CTNNA3: variants seen among roughly 807,000 people sequenced by gnomAD.
The protein encoded by CTNNA3 is catenin alpha 3.
CTNNA3 carries 76 observed loss-of-function variants against 95.7 expected under a neutral mutation model. That is an observed-to-expected ratio of 0.79 (90% CI 0.66 to 0.96). CTNNA3 has a LOEUF of 0.96. Ranked by LOEUF, CTNNA3 falls within the 40% of genes least tolerant of loss-of-function variation. CTNNA3 has a pLI of 0.00. For synonymous variants in CTNNA3, 431 were observed against 374.4 expected (o/e 1.15, Z -1.74); for missense variants, 1,191 against 1,089.8 (o/e 1.09, Z -1.31).
intron 13 of CTNNA3, among the ~76,000 whole-genome samples, chr10:66,117,146 C>A (rs1209367691): frequency 2.0e-5 from 3 of 152,022 alleles, no homozygotes; most frequent in Non-Finnish European, 4.4e-5. Flanking sequence ...TATGAGTAAG[C>A]TTTTGGGTTT....
At chr10:67,303,154 G>T (rs1337687685) in intron 5 of CTNNA3, among the ~76,000 whole-genome samples, 1 of 152,208 alleles carries the variant, frequency 6.6e-6, no homozygotes, top group Non-Finnish European at 1.5e-5. Context: ...AGTGCTAATA[G>T]CTGTGAAGCT....
At chr10:66,854,202 G>C (rs1008051493) in intron 7 of CTNNA3, among the ~76,000 whole-genome samples, 14 of 151,930 alleles carry the variant, frequency 9.2e-5, no homozygotes, top group Non-Finnish European at 1.3e-4. Flanking sequence ...ACAAAATTGA[G>C]ATATTTCCAA....
chr10:66,352,848 TAACA>T lies in CTNNA3; in HGVS notation c.1732+26300_1732+26303del, dbSNP rs1174028293. Among the ~76,000 whole-genome samples the T allele has an allele frequency of 3.3e-5, 5 of 151,944 alleles. 1 individual carries two copies. Among genetic ancestry groups the T allele is most frequent in the Admixed American group, 6.6e-5 (1 of 15,258 alleles). Reference sequence around the variant, plus strand: ...CTGGCAAAACTATTTTTAAAAGAAATAACAAACAAACAAAAGCACTCATTAGTGG... The same window carrying T: ...CTGGCAAAACTATTTTTAAAAGAAATAACAAACAAAAGCACTCATTAGTGG... On this transcript the variant is annotated intron_variant, in intron 12 of 17. Transcript: ENST00000433211.
At chr10:67,271,295 G>C (rs1589112317) in intron 5 of CTNNA3, among the ~76,000 whole-genome samples, 1 of 152,222 alleles carries the variant, frequency 6.6e-6, no homozygotes, top group East Asian at 1.9e-4. Flanking sequence ...AATCATGGGG[G>C]TGGTTCCCCC....
intron 16 of CTNNA3, among the ~76,000 whole-genome samples, chr10:65,986,660 A>C (rs899437501): frequency 6.6e-6 from 1 of 151,598 alleles, no homozygotes; most frequent in Non-Finnish European, 1.5e-5. Context: ...ATTCAGTGTA[A>C]CCCATAGAAA....
chr10:66,637,010 A>G (rs183096319), intron 9 of CTNNA3, among the ~76,000 whole-genome samples: 98 of 152,300 alleles, frequency 6.4e-4, no homozygotes, highest in African/African-American at 2.3e-3. Context: ...AAAGTCTTAA[A>G]GAAAGACAAT....
chr10:66,406,369 T>C (rs952711494), intron 11 of CTNNA3, among the ~76,000 whole-genome samples: 1 of 152,154 alleles, frequency 6.6e-6, no homozygotes, highest in East Asian at 1.9e-4. Context: ...GGGGTTTTTA[T>C]GTTCATTGAA....
At chr10:66,224,855 A>T (rs1437817184) in intron 13 of CTNNA3, among the ~76,000 whole-genome samples, 1 of 151,748 alleles carries the variant, frequency 6.6e-6, no homozygotes, top group Non-Finnish European at 1.5e-5. Context: ...TGTAACTGTG[A>T]TTTTCTTTAT....
At chr10:67,440,752 G>A (rs1846479144) in intron 5 of CTNNA3, among the ~76,000 whole-genome samples, 2 of 152,130 alleles carry the variant, frequency 1.3e-5, no homozygotes, top group South Asian at 2.1e-4. Context: ...ACCTCTATAA[G>A]TTTGCAGGAA....
chr10:67,669,162 G>C (rs1840386192), intron 1 of CTNNA3, among the ~76,000 whole-genome samples: 1 of 152,036 alleles, frequency 6.6e-6, no homozygotes, highest in Admixed American at 6.6e-5. Context: ...TACAGCAGTG[G>C]GCTCTTAGCA....
At chr10:65,937,791 C>T (rs1311442462) in intron 17 of CTNNA3, among the ~76,000 whole-genome samples, 3 of 152,082 alleles carry the variant, frequency 2.0e-5, no homozygotes, top group African/African-American at 2.4e-5. Flanking sequence ...GTAGTGATTA[C>T]ATTTTTTAAA....
intron 12 of CTNNA3, among the ~76,000 whole-genome samples, chr10:66,299,091 G>A (rs530251700): frequency 5.9e-5 from 9 of 152,240 alleles, no homozygotes; most frequent in African/African-American, 1.9e-4. Flanking sequence ...TCCCTGCTGC[G>A]AGTCTTCTGG....
At chr10:66,126,488 C>T (rs981846269) in intron 13 of CTNNA3, among the ~76,000 whole-genome samples, 11 of 152,136 alleles carry the variant, frequency 7.2e-5, no homozygotes, top group Non-Finnish European at 2.9e-5. Flanking sequence ...AGAAATGACA[C>T]CTTAGCAGCA....
At chr10:67,226,008 G>T (rs1864896986) in intron 5 of CTNNA3, among the ~76,000 whole-genome samples, 1 of 152,190 alleles carries the variant, frequency 6.6e-6, no homozygotes, top group Non-Finnish European at 1.5e-5. Context: ...TATTCAAGGA[G>T]ATAGATAGCT....
At chr10:66,562,865 C>T (rs1435657934) in intron 10 of CTNNA3, among the ~76,000 whole-genome samples, 1 of 151,828 alleles carries the variant, frequency 6.6e-6, no homozygotes, top group African/African-American at 2.4e-5. Context: ...TCAATAAAAC[C>T]AATTACAGTT....
chr10:66,203,166 T>C (rs1203674605), intron 13 of CTNNA3, among the ~76,000 whole-genome samples: 1 of 152,136 alleles, frequency 6.6e-6, no homozygotes, highest in Non-Finnish European at 1.5e-5. Context: ...GAAACAAGCA[T>C]TATGGCCACA....
intron 11 of CTNNA3, among the ~76,000 whole-genome samples, chr10:66,420,835 A>AAATAAATAAATAAATAAATAAATT (rs751801209): frequency 6.9e-4 from 64 of 93,008 alleles, no homozygotes; most frequent in East Asian, 6.3e-3. Flanking sequence ...ATAAATAAAT[A>AAATAAATAAATAAATAAATAAATT]AATAAAAAAC....
chr10:66,144,613 G>A (rs1469031664), intron 13 of CTNNA3, among the ~76,000 whole-genome samples: 1 of 151,936 alleles, frequency 6.6e-6, no homozygotes, highest in Admixed American at 6.6e-5. Context: ...TCAGCCTCCT[G>A]AGTAGCTGAG....
At chr10:66,539,744 T>G (rs1178867664) in intron 10 of CTNNA3, among the ~76,000 whole-genome samples, 1 of 152,122 alleles carries the variant, frequency 6.6e-6, no homozygotes, top group African/African-American at 2.4e-5. Context: ...TTAGGGTTCC[T>G]GAGATTTTAA....
Sources: allele counts gnomAD v4.1 joint callset (sites outside exome capture counted in the v4.1 genomes callset), GRCh38; gene constraint gnomAD v4.1.1; transcripts MANE v1.5; gene names NCBI Gene and HGNC (gene_info 2026-07-23, HGNC 2026-07-21).